The following LMO1 variants were observed in gnomAD, a reference collection of about 807,000 sequenced individuals.
LMO1 encodes the protein rhombotin-1.
Under a neutral mutation model 18.0 loss-of-function variants are expected in LMO1, and 10 were observed. The observed-to-expected ratio is 0.55, with a 90% CI of 0.34 to 0.94. LMO1 has a LOEUF of 0.94. Among genes scored for constraint, LMO1 ranks in the 40% least tolerant of loss-of-function variants. The pLI is 0.02. For missense variants in LMO1, 183 were observed against 205.7 expected (o/e 0.89, Z 0.68); for synonymous variants, 77 against 77.9 (o/e 0.99, Z 0.06).
intron 1 of LMO1, among the ~76,000 whole-genome samples, chr11:8,247,964 C>G (rs1846924602): frequency 6.6e-6 from 1 of 152,172 alleles, no homozygotes; most frequent in African/African-American, 2.4e-5. Flanking sequence ...GCCTGGCTGG[C>G]AAAACACATG....
chr11:8,227,102 T>C lies in LMO1; in HGVS notation c.240-2A>G, dbSNP rs1952560706. The C allele has an allele frequency of 6.2e-7, 1 of 1,612,394 alleles. No individual in the cohort carries two copies. The highest frequency in any genetic ancestry group is 8.5e-7 in the Non-Finnish European group (1 of 1,179,100). On this transcript the variant is annotated splice_acceptor_variant, in intron 2 of 3. Transcript: ENST00000335790. LOFTEE classifies it high-confidence loss of function. ...CAGTTCCCTGTGGTGCCAAAGAGCCTGCCGAGGGAAGGGCGCAGAGGACTC... is the reference window on the plus strand; with the variant it reads ...CAGTTCCCTGTGGTGCCAAAGAGCCCGCCGAGGGAAGGGCGCAGAGGACTC...
At chr11:8,235,145 C>CT (rs1952740353) in intron 1 of LMO1, among the ~76,000 whole-genome samples, 1 of 152,034 alleles carries the variant, frequency 6.6e-6, no homozygotes, top group Non-Finnish European at 1.5e-5. Flanking sequence ...TAACAGTCAC[C>CT]CCAGGATACC....
At chr11:8,250,046 T>C in intron 1 of LMO1, among the ~76,000 whole-genome samples, 1 of 35,958 alleles carries the variant, frequency 2.8e-5, no homozygotes, top group East Asian at 7.0e-3. Context: ...CTTTCCCCAT[T>C]TTTTTTTTAT....
chr11:8,234,531 G>T (rs1353028999), intron 1 of LMO1, among the ~76,000 whole-genome samples: 1 of 152,156 alleles, frequency 6.6e-6, no homozygotes, highest in Admixed American at 6.5e-5. Flanking sequence ...CCCTGGTTTG[G>T]ATGGCAGCCT....
intron 1 of LMO1, among the ~76,000 whole-genome samples, chr11:8,237,812 G>A (rs936219569): frequency 5.9e-5 from 9 of 152,260 alleles, no homozygotes; most frequent in Non-Finnish European, 1.2e-4. Context: ...AGAAGAGGTG[G>A]GGTAGTGTAG....
At chr11:8,244,517 T>C (rs551522796) in intron 1 of LMO1, among the ~76,000 whole-genome samples, 101 of 152,310 alleles carry the variant, frequency 6.6e-4, no homozygotes, top group African/African-American at 2.4e-3. Context: ...ACATAAACAA[T>C]TTAAAATACA....
At chr11:8,238,945 T>C (rs1279055521) in intron 1 of LMO1, among the ~76,000 whole-genome samples, 1 of 152,234 alleles carries the variant, frequency 6.6e-6, no homozygotes, top group Admixed American at 6.5e-5. Flanking sequence ...AACCCCACCA[T>C]TTACTCAGCA....
chr11:8,226,266 G>A (rs1263508135), intron 3 of LMO1, among the ~76,000 whole-genome samples: 1 of 152,142 alleles, frequency 6.6e-6, no homozygotes, highest in Non-Finnish European at 1.5e-5. Context: ...AGGCTGAGGT[G>A]GGCAGATAAC....
At chr11:8,253,303 C>T (rs893081751) in intron 1 of LMO1, among the ~76,000 whole-genome samples, 8 of 152,240 alleles carry the variant, frequency 5.3e-5, no homozygotes, top group African/African-American at 1.9e-4. Context: ...CTTCCCCTGT[C>T]TCCCCTGCTC....
At chr11:8,256,214 A>G (rs1847095183) in intron 1 of LMO1, among the ~76,000 whole-genome samples, 1 of 152,244 alleles carries the variant, frequency 6.6e-6, no homozygotes, top group Admixed American at 6.5e-5. Flanking sequence ...CCAAAAGATG[A>G]TACTGTAACT....
chr11:8,240,364 A>G (rs1846763160), intron 1 of LMO1, among the ~76,000 whole-genome samples: 1 of 152,198 alleles, frequency 6.6e-6, no homozygotes, highest in South Asian at 2.1e-4. Flanking sequence ...ACATAAAGGG[A>G]CTGAGGAGTT....
At chr11:8,227,293 A>T (rs1443981000) in intron 2 of LMO1, among the ~76,000 whole-genome samples, 193 bp from the exon 3 acceptor site, 6 of 152,340 alleles carry the variant, frequency 3.9e-5, no homozygotes, top group African/African-American at 1.4e-4. Context: ...CCAATAAATC[A>T]GCACATCCCC....
At position 8,228,084 on chromosome 11, in the gene LMO1, G is replaced by A. The variant is rs551422652; in HGVS notation, c.240-984C>T. On this transcript the variant is annotated intron_variant, in intron 2 of 3. Transcript: ENST00000335790. Reference sequence around the variant, plus strand: ...TTTATCCTTCTGTAAAATAGGGATGGATGATCCTATTCAAAGATGCTGTAA... The same window carrying A: ...TTTATCCTTCTGTAAAATAGGGATGAATGATCCTATTCAAAGATGCTGTAA... Among the ~76,000 whole-genome samples the A allele has an allele frequency of 2.0e-5, 3 of 152,332 alleles. No homozygotes were observed. In the South Asian group the frequency reaches 6.2e-4, roughly 32 times the overall value.
chr11:8,246,462 C>A (rs1316049479), intron 1 of LMO1, among the ~76,000 whole-genome samples: 1 of 152,174 alleles, frequency 6.6e-6, no homozygotes, highest in Admixed American at 6.5e-5. Flanking sequence ...TGCATGATTC[C>A]ATTTATATGA....
intron 1 of LMO1, among the ~76,000 whole-genome samples, chr11:8,254,779 A>G (rs1847062208): frequency 6.6e-6 from 1 of 152,168 alleles, no homozygotes; most frequent in Non-Finnish European, 1.5e-5. Context: ...CACGTCTGAC[A>G]GCTGGAAAAG....
At chr11:8,226,768 C>T (rs1197258858) in intron 3 of LMO1, 5 of 876,010 alleles carry the variant, frequency 5.7e-6, no homozygotes, top group South Asian at 2.2e-5. Context: ...TGTGCACACC[C>T]AATATTAAAG....
chr11:8,256,921 C>T (rs1847107985), intron 1 of LMO1, among the ~76,000 whole-genome samples: 1 of 152,178 alleles, frequency 6.6e-6, no homozygotes, highest in Non-Finnish European at 1.5e-5. Flanking sequence ...TTGTAATGAG[C>T]ACCACAAGAA....
intron 1 of LMO1, among the ~76,000 whole-genome samples, chr11:8,241,003 A>G (rs1590541556): frequency 6.6e-6 from 1 of 152,190 alleles, no homozygotes; most frequent in East Asian, 1.9e-4. Context: ...CGTTAATTGC[A>G]TAGTTATCTG....
At chr11:8,268,556 C>A, upstream of LMO1, 1 of 993,840 alleles carries the variant, frequency 1.0e-6, no homozygotes, top group South Asian at 4.6e-5. Flanking sequence ...GCGCGGGCGC[C>A]GAGTCCGGAG....
Sources: gnomAD v4.1 joint callset for allele counts (sites outside exome capture counted in the v4.1 genomes callset) on GRCh38, gnomAD v4.1.1 for gene constraint, MANE v1.5 for transcripts, NCBI Gene and HGNC (gene_info 2026-07-23, HGNC 2026-07-21) for gene names.